UNC45B: variants seen among roughly 807,000 people sequenced by gnomAD.
The protein encoded by UNC45B is protein unc-45 homolog B.
UNC45B carries 78 observed loss-of-function variants against 98.7 expected under a neutral mutation model. That is an observed-to-expected ratio of 0.79 (90% CI 0.66 to 0.95). The LOEUF (loss-of-function observed/expected upper bound fraction) is 0.95. Ranked by LOEUF, UNC45B falls within the 40% of genes least tolerant of loss-of-function variation. The pLI, the probability that UNC45B is intolerant of heterozygous loss-of-function variation, is 0.00. For synonymous variants in UNC45B, 462 were observed against 480.4 expected, an observed-to-expected ratio of 0.96 and a Z score of 0.50; for missense variants, 1,225 against 1,184.9, an observed-to-expected ratio of 1.03 and a Z score of -0.50.
chr17:35,165,146 C>G lies in UNC45B; in HGVS notation c.1151+980C>G, dbSNP rs900144593. Among the ~76,000 whole-genome samples, 32 of 152,166 alleles carry G rather than the reference C, an allele frequency of 2.1e-4. 1 individual carries two copies. Among genetic ancestry groups the G allele is most frequent in the Non-Finnish European group, 2.5e-4 (17 of 68,022 alleles). On this transcript the variant is annotated intron_variant, in intron 9 of 19. Coordinates refer to ENST00000394570, the MANE Select transcript of UNC45B (RefSeq NM_001267052.2). Reference sequence around the variant, plus strand: ...CCCAAAGTGCCGGGATTACAGGCATCAACTACCTTGCCCAGCCATGGACAT... The same window carrying G: ...CCCAAAGTGCCGGGATTACAGGCATGAACTACCTTGCCCAGCCATGGACAT...
chr17:35,150,879 G>C (rs917059966), intron 4 of UNC45B, among the ~76,000 whole-genome samples: 1 of 151,472 alleles, frequency 6.6e-6, no homozygotes, highest in East Asian at 1.9e-4. Flanking sequence ...TGAAGACATC[G>C]ATGAGGGATA....
intron 17 of UNC45B, among the ~76,000 whole-genome samples, chr17:35,180,261 A>G (rs140082183): frequency 9.3e-6 from 1 of 108,024 alleles, no homozygotes; most frequent in Admixed American, 1.0e-4. Flanking sequence ...GATGAGAGAG[A>G]GAGAGAGAGA....
chr17:35,174,404 G>C, intron 14 of UNC45B, 35 bp downstream of exon 14: 1 of 1,613,432 alleles, frequency 6.2e-7, no homozygotes, highest in Non-Finnish European at 8.5e-7. Context: ...TGGAACTAGG[G>C]CTGGGGGCCG....
chr17:35,155,336 G>A lies in UNC45B; in HGVS notation c.680G>A (p.Cys227Tyr), dbSNP rs771694559. The A allele has an allele frequency of 1.2e-5, 20 of 1,614,094 alleles. No individual in the cohort carries two copies. The African/African-American group carries it at 2.1e-4, about 17-fold the overall frequency. Residue 227 changes from cysteine to tyrosine, a missense_variant, in exon 7 of 20, where the codon TGT becomes TAT. Cys to Tyr is a radical substitution (Grantham distance 194). Transcript: ENST00000394570. ...ILHAVRIDRI[C>Y]SLMAVENEEM... ...CATGCAGTGCGGATAGACCGAATCT[G>A]TAGCCTCATGGCCGTGGAGAATGAG...
At chr17:35,148,000 A>G in intron 1 of UNC45B, 90 bp downstream of exon 1, 1 of 479,744 alleles carries the variant, frequency 2.1e-6, no homozygotes, top group Non-Finnish European at 3.8e-6. Context: ...TTTGGCACAA[A>G]CTAAGCAGCT....
intron 1 of UNC45B, 46 bp downstream of exon 1, chr17:35,147,956 C>T: frequency 5.9e-6 from 2 of 340,372 alleles, no homozygotes; most frequent in South Asian, 7.7e-5. Flanking sequence ...AGGGAGACGG[C>T]AAACTTCTAA....
At chr17:35,149,991 G>C in intron 3 of UNC45B, 57 bp from the exon 4 acceptor site, 1 of 1,500,344 alleles carries the variant, frequency 6.7e-7, no homozygotes, top group East Asian at 2.4e-5. Context: ...GGGCAGTGGG[G>C]CTGGTGGTCT....
At chr17:35,167,541 G>C (rs892629555) in intron 9 of UNC45B, among the ~76,000 whole-genome samples, 7 of 151,796 alleles carry the variant, frequency 4.6e-5, no homozygotes, top group African/African-American at 1.7e-4. Flanking sequence ...AGGATTGCTT[G>C]AGCTTAGGGG....
At chr17:35,172,081 C>T (rs1010987232) in intron 13 of UNC45B, among the ~76,000 whole-genome samples, 3 of 152,132 alleles carry the variant, frequency 2.0e-5, no homozygotes, top group Non-Finnish European at 2.9e-5. Flanking sequence ...TACGTCATCT[C>T]CACATGACTG....
In UNC45B at chr17:35,183,424, C is replaced by A. The variant is rs759239223; in HGVS notation, c.2374-3C>A. On this transcript the variant is annotated splice_region_variant and splice_polypyrimidine_tract_variant and intron_variant, in intron 18 of 19. Transcript: ENST00000394570. Reference sequence around the variant, plus strand: ...CTCTGAGCCATGTTCCTGCCTCCCACAGGTACAGGAAAGGTTCTTGGCTGA... The same window carrying A: ...CTCTGAGCCATGTTCCTGCCTCCCAAAGGTACAGGAAAGGTTCTTGGCTGA... The A allele has an allele frequency of 1.9e-6, 3 of 1,549,706 alleles. No homozygotes were observed. The highest frequency in any genetic ancestry group is 1.4e-5 in the African/African-American group (1 of 72,834).
Position 35,170,278 on chromosome 17 carries a change from C to T in UNC45B, c.1689+23C>T, listed in dbSNP as rs1377461148. The stretch of plus-strand genomic sequence containing the variant: ...AAGGCAGGTGTCGGGGAGTCTGGCC[C>T]GACCACAAACCTCAGGAAAGGTCTG... On this transcript the variant is annotated intron_variant, in intron 12 of 19. Coordinates refer to ENST00000394570, the MANE Select transcript of UNC45B (RefSeq NM_001267052.2). 13 of 1,582,652 alleles carry T rather than the reference C, an allele frequency of 8.2e-6. No individual in the cohort carries two copies. The African/African-American group carries it at 1.3e-4, about 16-fold the overall frequency.
intron 8 of UNC45B, among the ~76,000 whole-genome samples, chr17:35,160,087 T>G (rs2092092113): frequency 6.6e-6 from 1 of 152,158 alleles, no homozygotes; most frequent in African/African-American, 2.4e-5. Flanking sequence ...GCTTCAATAT[T>G]TCAAGGGGAA....
intron 19 of UNC45B, among the ~76,000 whole-genome samples, chr17:35,184,357 G>C (rs995063006): frequency 3.3e-5 from 5 of 152,212 alleles, no homozygotes; most frequent in Non-Finnish European, 4.4e-5. Flanking sequence ...ACTGTAATGT[G>C]TGTAAGAATC....
In UNC45B at chr17:35,158,058, T is replaced by C. The variant is rs951710099; in HGVS notation, c.809-1317T>C. ...GCCTGGCTAATTTTTAAATTTTTCA[T>C]AGGGACAGGGTCTCACTTTCTTGCC... On this transcript the variant is annotated intron_variant, in intron 7 of 19. Coordinates refer to ENST00000394570, the MANE Select transcript of UNC45B (RefSeq NM_001267052.2). Among the ~76,000 whole-genome samples the C allele has an allele frequency of 6.6e-5, 10 of 152,258 alleles. No individual in the cohort carries two copies. In the East Asian group the frequency reaches 1.3e-3, roughly 21 times the overall value.
At position 35,163,883 on chromosome 17, in the gene UNC45B, T is replaced by G. The variant is rs1388971534; in HGVS notation, c.980-112T>G. 2.4e-6 allele frequency: 3 copies of G among 1,251,984 alleles called. No individual in the cohort carries two copies. In the East Asian group the frequency reaches 7.7e-5, roughly 32 times the overall value. The allele number at this position is 1,251,984 out of a possible 1,614,324, so 77.6% of individuals were successfully genotyped here. A position where few individuals can be genotyped will look rare whatever the true frequency, so the allele number is the denominator to read the frequency against. The stretch of plus-strand genomic sequence containing the variant: ...CTTTCATTCTGGATGAACCACATGT[T>G]TTCTACAGACAGGGCTGGAGAGAAG... On this transcript the variant is annotated intron_variant, in intron 8 of 19. Coordinates refer to ENST00000394570, the MANE Select transcript of UNC45B (RefSeq NM_001267052.2).
chr17:35,172,821 C>T (rs1298302774), intron 13 of UNC45B, among the ~76,000 whole-genome samples: 1 of 152,218 alleles, frequency 6.6e-6, no homozygotes, highest in Non-Finnish European at 1.5e-5. Context: ...CCACCTCAGC[C>T]TTCTCCAAGA....
intron 8 of UNC45B, 79 bp from the exon 9 acceptor site, chr17:35,163,916 T>A: frequency 1.4e-6 from 2 of 1,435,532 alleles, no homozygotes; most frequent in South Asian, 2.8e-5. Flanking sequence ...AAGCTGATGA[T>A]AACAAGTCAC....
intron 8 of UNC45B, among the ~76,000 whole-genome samples, chr17:35,160,717 C>T (rs1445569382): frequency 2.0e-5 from 3 of 152,232 alleles, no homozygotes; most frequent in East Asian, 3.8e-4. Flanking sequence ...GAATTACAGG[C>T]GCGAGCCATG....
chr17:35,175,882 G>T, intron 14 of UNC45B, 86 bp from the exon 15 acceptor site: 1 of 1,307,236 alleles, frequency 7.6e-7, no homozygotes, highest in South Asian at 1.2e-5. Flanking sequence ...GGGTTTCACT[G>T]GCTCCGACTG....
Sources: allele counts gnomAD v4.1 joint callset (sites outside exome capture counted in the v4.1 genomes callset), GRCh38; gene constraint gnomAD v4.1.1; transcripts MANE v1.5; gene names NCBI Gene and HGNC (gene_info 2026-07-23, HGNC 2026-07-21).